Variants in STK33 observed in about 807,000 individuals in gnomAD.
The protein encoded by STK33 is serine/threonine kinase 33.
In STK33, 52 loss-of-function variants were observed where a neutral mutation model predicts 58.0. That is an observed-to-expected ratio of 0.90 (90% CI 0.72 to 1.13). The LOEUF (loss-of-function observed/expected upper bound fraction) is 1.13. Ranked by LOEUF, STK33 falls within the 50% of genes most tolerant of loss-of-function variation. The pLI, the probability that STK33 is intolerant of heterozygous loss-of-function variation, is 0.00. For missense variants in STK33, 630 were observed against 604.2 expected (o/e 1.04, Z -0.45); for synonymous variants, 215 against 200.1 (o/e 1.07, Z -0.63).
At chr11:8,471,641 T>C (rs1037181444) in intron 6 of STK33, among the ~76,000 whole-genome samples, 3 of 152,172 alleles carry the variant, frequency 2.0e-5, no homozygotes, top group African/African-American at 7.2e-5. Flanking sequence ...AAAATGAGTA[T>C]ATTTTATGGG....
At chr11:8,422,761 A>C (rs933471341) in intron 14 of STK33, among the ~76,000 whole-genome samples, 2 of 151,950 alleles carry the variant, frequency 1.3e-5, no homozygotes, top group Non-Finnish European at 2.9e-5. Flanking sequence ...GTATTCTCTT[A>C]TCTTTGTAAT....
At position 8,392,324 on chromosome 11, in the gene STK33, G is replaced by T; in HGVS notation, c.*186C>A. ...ACTGGTGGCTGTCCTTTAATGCCATGTGCAGCTTATGCTGCTTTGGAGATA... is the reference window on the plus strand; with the variant it reads ...ACTGGTGGCTGTCCTTTAATGCCATTTGCAGCTTATGCTGCTTTGGAGATA... On this transcript the variant is annotated 3_prime_UTR_variant, in exon 16 of 16. Transcript: ENST00000687296. The T allele has an allele frequency of 1.4e-6, 1 of 691,608 alleles. No homozygotes were observed. The allele number at this position is 691,608 out of a possible 1,614,324, so 42.8% of individuals were successfully genotyped here.
intron 15 of STK33, among the ~76,000 whole-genome samples, chr11:8,401,365 G>C (rs1200699515): frequency 2.6e-5 from 4 of 152,122 alleles, no homozygotes; most frequent in East Asian, 1.9e-4. Context: ...ACAAGAAATA[G>C]GGAAACGATT....
intron 1 of STK33, among the ~76,000 whole-genome samples, chr11:8,578,025 T>A (rs1310897605): frequency 6.6e-6 from 1 of 152,152 alleles, no homozygotes; most frequent in Non-Finnish European, 1.5e-5. Context: ...AAATGTCTGC[T>A]CATATGCAGA....
chr11:8,388,592 T>C (rs896233381), downstream of STK33, among the ~76,000 whole-genome samples: 1 of 152,164 alleles, frequency 6.6e-6, no homozygotes, highest in Non-Finnish European at 1.5e-5. Context: ...TTTCAGTGCT[T>C]GTAGAGATGA....
chr11:8,390,894 C>G (rs1185925359), downstream of STK33, among the ~76,000 whole-genome samples: 1 of 152,194 alleles, frequency 6.6e-6, no homozygotes, highest in Non-Finnish European at 1.5e-5. Context: ...AAAAGAATAT[C>G]ACTGTGAAAG....
At chr11:8,402,618 T>TA (rs72274505) in intron 15 of STK33, among the ~76,000 whole-genome samples, 29,427 of 151,754 alleles carry the variant, frequency 0.19, 3,240 homozygotes, top group African/African-American at 0.29. Context: ...ATTATAATAA[T>TA]AAAAAAAAGA....
chr11:8,587,816 C>T (rs2031952663), intron 1 of STK33, among the ~76,000 whole-genome samples: 1 of 152,158 alleles, frequency 6.6e-6, no homozygotes, highest in Non-Finnish European at 1.5e-5. Context: ...AAGGGGCACC[C>T]ATATGGGTCT....
At chr11:8,400,194 G>T (rs1350908071) in intron 15 of STK33, among the ~76,000 whole-genome samples, 3 of 152,152 alleles carry the variant, frequency 2.0e-5, no homozygotes, top group Admixed American at 2.0e-4. Flanking sequence ...CAATATCCCT[G>T]ATAAACATTG....
chr11:8,494,507 T>C (rs1022945446), intron 1 of STK33, among the ~76,000 whole-genome samples: 7 of 152,280 alleles, frequency 4.6e-5, no homozygotes, highest in Admixed American at 3.9e-4. Flanking sequence ...ATTGTGAAAA[T>C]GGCCATACTG....
chr11:8,341,223 T>C, the STK33 span, among the ~76,000 whole-genome samples: 3 of 152,226 alleles, frequency 2.0e-5, no homozygotes, highest in Admixed American at 2.0e-4. Context: ...AAAGTACCCC[T>C]GCCTTTGGTC....
At chr11:8,540,776 G>T (rs1444475473) in intron 1 of STK33, among the ~76,000 whole-genome samples, 2 of 152,014 alleles carry the variant, frequency 1.3e-5, no homozygotes, top group Non-Finnish European at 2.9e-5. Flanking sequence ...GCAGATCAAA[G>T]GATACAAAAT....
intron 15 of STK33, among the ~76,000 whole-genome samples, chr11:8,398,132 G>A (rs565681296): frequency 1.3e-5 from 2 of 152,262 alleles, no homozygotes; most frequent in East Asian, 3.9e-4. Flanking sequence ...TACTCCTCGA[G>A]AAGAGCAACT....
chr11:8,396,917 G>A (rs1048154200), intron 15 of STK33, among the ~76,000 whole-genome samples: 3 of 152,182 alleles, frequency 2.0e-5, no homozygotes, highest in Non-Finnish European at 4.4e-5. Context: ...GCTGGGAGAG[G>A]GGCGCCCGCC....
At chr11:8,518,908 C>T (rs1398198169) in intron 1 of STK33, among the ~76,000 whole-genome samples, 4 of 152,156 alleles carry the variant, frequency 2.6e-5, no homozygotes, top group Non-Finnish European at 5.9e-5. Context: ...TTTAACACCC[C>T]ACTGTCAACA....
intron 1 of STK33, among the ~76,000 whole-genome samples, chr11:8,518,981 C>T (rs536664711): frequency 6.6e-6 from 1 of 152,234 alleles, no homozygotes; most frequent in East Asian, 1.9e-4. Context: ...CAGCTCTGCA[C>T]CAAGCGGACC....
At chr11:8,481,217 T>G (rs576376112) in intron 1 of STK33, among the ~76,000 whole-genome samples, 79 of 152,308 alleles carry the variant, frequency 5.2e-4, no homozygotes, top group South Asian at 1.5e-3. Flanking sequence ...ACTTTCCCCT[T>G]ATAGCCAGAC....
At chr11:8,421,440 G>C (rs1203224893) in intron 14 of STK33, among the ~76,000 whole-genome samples, 2 of 152,078 alleles carry the variant, frequency 1.3e-5, no homozygotes, top group African/African-American at 4.8e-5. Context: ...GTCAGAAAAA[G>C]TTCCAGATAC....
At chr11:8,503,889 T>C (rs1232703383) in intron 1 of STK33, among the ~76,000 whole-genome samples, 1 of 152,208 alleles carries the variant, frequency 6.6e-6, no homozygotes, top group Non-Finnish European at 1.5e-5. Context: ...CTAACACTTC[T>C]CCTGTACTTG....
Sources: allele counts gnomAD v4.1 joint callset (sites outside exome capture counted in the v4.1 genomes callset), GRCh38; gene constraint gnomAD v4.1.1; transcripts MANE v1.5; gene names NCBI Gene and HGNC (gene_info 2026-07-23, HGNC 2026-07-21).